The following TASOR2 variants were observed in gnomAD, a reference collection of about 807,000 sequenced individuals.
TASOR2 encodes protein TASOR 2.
TASOR2 carries 84 observed loss-of-function variants against 199.5 expected under a neutral mutation model. The observed-to-expected ratio is 0.42, with a 90% CI of 0.35 to 0.50. The LOEUF (loss-of-function observed/expected upper bound fraction) is 0.50, where lower values mean the gene tolerates loss of function less well. Among genes scored for constraint, TASOR2 ranks in the 20% least tolerant of loss-of-function variants. TASOR2 has a pLI of 0.02. For missense variants in TASOR2, 2,796 were observed against 2,835.9 expected, an observed-to-expected ratio of 0.99 and a Z score of 0.32; for synonymous variants, 1,103 against 1,046.6, an observed-to-expected ratio of 1.05 and a Z score of -1.04.
chr10:5,756,677 G>A (rs909688581), exon 16 of TASOR2: 2 of 1,613,572 alleles, frequency 1.2e-6, no homozygotes, highest in Non-Finnish European at 1.7e-6. Flanking sequence ...GCTTTCCACA[G>A]AGAGAATGAT....
intron 14 of TASOR2, 108 bp from the exon 16 acceptor site, chr10:5,746,071 C>A: frequency 7.9e-7 from 1 of 1,266,118 alleles, no homozygotes; most frequent in Non-Finnish European, 1.1e-6. Flanking sequence ...AGAACATTCA[C>A]AAACTAAAAT....
chr10:5,730,533 A>G lies in TASOR2; in HGVS notation c.534A>G (p.Ile178Met), dbSNP rs746643382. 6 of 1,612,736 alleles carry G rather than the reference A, an allele frequency of 3.7e-6. No individual in the cohort carries two copies. In the South Asian group the frequency reaches 6.6e-5, roughly 18 times the overall value. Residue 178 changes from isoleucine (I) to methionine (M), a missense_variant, in exon 11 of 21, where the codon ATA becomes ATG. Physicochemically the swap from Ile to Met is conservative, Grantham distance 10 (BLOSUM62 1). This residue lies in a region of TASOR2 where 847 missense variants were observed against 887.4 expected (regional missense o/e 0.95). Transcript: ENST00000328090. The surrounding 1 kb of genome is among the most constrained non-coding windows in gnomAD (Gnocchi z 4.1). ...AAGATGACATCTCAATGAAGGTGAT[A>G]CCTATTTTATCTACCCTTAATTGTG...
chr10:5,732,694 A>G (rs1481500859), intron 11 of TASOR2, among the ~76,000 whole-genome samples: 1 of 151,856 alleles, frequency 6.6e-6, no homozygotes, highest in African/African-American at 2.4e-5. Context: ...AGTAGCTGGA[A>G]CTACAGGGGT....
At chr10:5,733,837 A>G (rs1835186315) in intron 11 of TASOR2, among the ~76,000 whole-genome samples, 1 of 152,168 alleles carries the variant, frequency 6.6e-6, no homozygotes, top group Non-Finnish European at 1.5e-5. Context: ...TTAGAGTGTA[A>G]TAAGAAGTCT....
rs1554784407 is a variant in TASOR2 at position 5,762,507 on chromosome 10, A to AT, written c.7175-25_7175-24insT. 16 of 470,294 alleles carry AT rather than the reference A, an allele frequency of 3.4e-5. No individual in the cohort carries two copies. The African/African-American group carries it at 5.8e-4, about 17-fold the overall frequency. The allele number at this position is 470,294 out of a possible 1,614,324, so 29.1% of individuals were successfully genotyped here. ...AAGTACATTAATTATATTAACCAAA[A>AT]GTTGTTTTTTTTTTTTTTTAACAGA... On this transcript the variant is annotated intron_variant, in intron 19 of 20. Transcript: ENST00000328090.
chr10:5,747,687 A>T, exon 15 of TASOR2: 1 of 1,614,226 alleles, frequency 6.2e-7, no homozygotes, highest in Non-Finnish European at 8.5e-7. Flanking sequence ...CTGTGACTCC[A>T]TGCATTTTAA....
chr10:5,718,114 C>G (rs1832877571), intron 3 of TASOR2, among the ~76,000 whole-genome samples: 1 of 152,020 alleles, frequency 6.6e-6, no homozygotes, highest in South Asian at 2.1e-4. Context: ...TTTAAATGGT[C>G]AATAGAATCT....
At position 5,751,911 on chromosome 10, in the gene TASOR2, CCTT is replaced by C. The variant is rs1327186454; in HGVS notation, c.6606+1887_6606+1889del. Among the ~76,000 whole-genome samples the C allele has an allele frequency of 2.0e-5, 3 of 152,214 alleles. No homozygotes were observed. Among genetic ancestry groups the C allele is most frequent in the Non-Finnish European group, 4.4e-5 (3 of 68,046 alleles). ...AGTACTGCCAGGTTTGTGCTAGCCT[CCTT>C]CTCCATGTGTGGAGCTCCCTTCTCT... On this transcript the variant is annotated intron_variant, in intron 15 of 20. Coordinates refer to ENST00000328090, the Ensembl canonical transcript of TASOR2. This position sits in a 1 kb window ranked among gnomAD's most constrained non-coding sequence, Gnocchi z 5.3.
rs927528309 is a variant in TASOR2, at chr10:5,738,826, T to C, written c.1448-792T>C. Among the ~76,000 whole-genome samples, 9 of 152,302 alleles carry C rather than the reference T, an allele frequency of 5.9e-5. No individual in the cohort carries two copies. The highest frequency in any genetic ancestry group is 1.3e-4 in the Non-Finnish European group (9 of 68,034). On this transcript the variant is annotated intron_variant, in intron 12 of 20. Transcript: ENST00000328090. This position sits in a 1 kb window ranked among gnomAD's most constrained non-coding sequence, Gnocchi z 4.7. ...AATAACAGCATTTAGGAAGGAATAA[T>C]GAATACGTTGAAAATACCAAGGGAA...
rs1008721315 is a variant in TASOR2 at position 5,706,366 on chromosome 10, G to A, written c.-287-6457G>A. ...ATCAGATCATCAGTTTCTGCAAACT[G>A]AGATTGTGTTGAATCTGTAGATCAA... On this transcript the variant is annotated intron_variant, in intron 1 of 20. Transcript: ENST00000328090. This position sits in a 1 kb window ranked among gnomAD's most constrained non-coding sequence, Gnocchi z 4.8. 6.6e-6 allele frequency among the ~76,000 whole-genome samples: 1 copy of A among 152,138 alleles called. No homozygotes were observed. Among genetic ancestry groups the A allele is most frequent in the African/African-American group, 2.4e-5 (1 of 41,422 alleles).
At chr10:5,726,371 C>T (rs1834063722) in intron 8 of TASOR2, among the ~76,000 whole-genome samples, 1 of 152,078 alleles carries the variant, frequency 6.6e-6, no homozygotes, top group African/African-American at 2.4e-5. Flanking sequence ...TTTCTTGTTG[C>T]CCTGGAACTT....
chr10:5,746,259 T>C (rs1354829571), exon 15 of TASOR2: 2 of 1,613,912 alleles, frequency 1.2e-6, no homozygotes, highest in Non-Finnish European at 1.7e-6. Flanking sequence ...CACAAACTAA[T>C]GGACCTTCTG....
At chr10:5,736,956 GTTGTTTTGTT>G (rs368624687) in intron 12 of TASOR2, among the ~76,000 whole-genome samples, 5 of 151,984 alleles carry the variant, frequency 3.3e-5, no homozygotes, top group African/African-American at 7.3e-5. Flanking sequence ...AAATTGGATT[GTTGTTTTGTT>G]TTGTTTTGTT....
intron 2 of TASOR2, among the ~76,000 whole-genome samples, chr10:5,716,864 G>A (rs10795510): frequency 0.68 from 102,052 of 150,898 alleles, 35,059 homozygotes; most frequent in African/African-American, 0.8. Context: ...GCAGTGAGCC[G>A]AGATCAACAG....
In TASOR2 at chr10:5,747,673, C is replaced by T. The variant is rs1264905174; in HGVS notation, c.4252C>T (p.Gln1418Ter). ...ACCAGTTAAAGAGACACGACCATAT[C>T]AGGCTGTGACTCCATGCATTTTAAA... The change falls in exon 15 of 21, where the codon CAG (glutamine) becomes TAG (stop). Residue 1418 changes from glutamine to a stop codon, truncating the protein, a stop_gained. Coordinates refer to ENST00000328090, the Ensembl canonical transcript of TASOR2. LOFTEE classifies it high-confidence loss of function. The T allele has an allele frequency of 5.6e-6, 9 of 1,614,018 alleles. No individual in the cohort carries two copies. The highest frequency in any genetic ancestry group is 7.6e-6 in the Non-Finnish European group (9 of 1,180,000).
At position 5,756,744 on chromosome 10, in the gene TASOR2, T is replaced by G; in HGVS notation, c.6732+6T>G. On this transcript the variant is annotated splice_donor_region_variant and intron_variant, in intron 16 of 20. Transcript: ENST00000328090. ...TATCATCACATTTGCATCAGGTCGG[T>G]TGGAAATACCTTACAAAGAAACGTA... is the stretch of plus-strand genomic sequence containing the variant. The G allele has an allele frequency of 6.2e-7, 1 of 1,611,212 alleles. No homozygotes were observed. The highest frequency in any genetic ancestry group is 1.3e-5 in the African/African-American group (1 of 74,914).
chr10:5,691,189 CA>C (rs369679242), intron 1 of TASOR2, among the ~76,000 whole-genome samples: 1,012 of 100,218 alleles, frequency 0.01, 9 homozygotes, highest in African/African-American at 0.035. Context: ...GACTCCGTCT[CA>C]AAAAAAAAAA....
exon 15 of TASOR2, chr10:5,749,485 A>G: frequency 6.2e-7 from 1 of 1,614,106 alleles, no homozygotes; most frequent in Non-Finnish European, 8.5e-7. Flanking sequence ...CCCTTCGACA[A>G]AAATCTCTGA....
At chr10:5,755,237 A>G (rs1489114884) in intron 15 of TASOR2, among the ~76,000 whole-genome samples, 2 of 152,080 alleles carry the variant, frequency 1.3e-5, no homozygotes, top group Admixed American at 1.3e-4. Flanking sequence ...AAATCATACC[A>G]TATACTTTGA....
Sources: allele counts gnomAD v4.1 joint callset (sites outside exome capture counted in the v4.1 genomes callset), GRCh38; gene constraint gnomAD v4.1.1; regional missense constraint gnomAD v4.1.1; non-coding constraint Gnocchi (gnomAD v3.1); transcripts MANE v1.5; gene names NCBI Gene and HGNC (gene_info 2026-07-23, HGNC 2026-07-21).